F9: variants seen among roughly 807,000 people sequenced by gnomAD.
The protein encoded by F9 is coagulation factor IX, also known as Christmas factor.
Under a neutral mutation model 34.1 loss-of-function variants are expected in F9, and 2 were observed. That is an observed-to-expected ratio of 0.06 (90% CI 0.02 to 0.18). The LOEUF (loss-of-function observed/expected upper bound fraction) is 0.18, where lower values mean the gene tolerates loss of function less well. F9 is among the 10% of genes least tolerant of loss of function. The pLI, the probability that F9 is intolerant of heterozygous loss-of-function variation, is 1.00. For missense variants in F9, 216 were observed against 345.1 expected (o/e 0.63, Z 2.96); for synonymous variants, 137 against 118.8 (o/e 1.15, Z -1.00).
chrX:139,561,301 T>C (rs947985362), intron 7 of F9, among the ~76,000 whole-genome samples: 2 of 112,135 alleles, frequency 1.8e-5, no homozygotes, highest in Non-Finnish European at 3.8e-5. Context: ...AATGAAAGGC[T>C]TATAACAGCA....
At chrX:139,558,356 GA>G (rs1211960437) in intron 6 of F9, among the ~76,000 whole-genome samples, 1 of 113,472 alleles carries the variant, frequency 8.8e-6, no homozygotes, top group Non-Finnish European at 1.9e-5. Context: ...AGTGACAAGG[GA>G]AGATTGACAC....
At chrX:139,539,574 G>A (rs1033452077) in intron 3 of F9, among the ~76,000 whole-genome samples, 7 of 112,467 alleles carry the variant, frequency 6.2e-5, no homozygotes, top group Non-Finnish European at 1.3e-4. Flanking sequence ...TCATTTTAAC[G>A]ACATGTCTCA....
At chrX:139,553,841 A>T (rs1927906215) in intron 6 of F9, among the ~76,000 whole-genome samples, 1 of 92,545 alleles carries the variant, frequency 1.1e-5, no homozygotes, top group Non-Finnish European at 2.1e-5. Flanking sequence ...AAAGTCCAAG[A>T]TTAAAAAAAA....
In F9 at chrX:139,563,193, C is replaced by A. The variant is rs907681842; in HGVS notation, c.*1122C>A. On this transcript the variant is annotated 3_prime_UTR_variant, in exon 8 of 8. Transcript: ENST00000218099. ...GTGTGTCTTCAGCAGTGTTCAGAGC[C>A]AAGCAAGAAGTTGAAGTTGCCTAGA... 5 of 110,301 alleles carry A rather than the reference C, an allele frequency of 4.5e-5. No homozygotes were observed. Among genetic ancestry groups the A allele is most frequent in the Admixed American group, 9.7e-5 (1 of 10,281 alleles). The allele number at this position is 110,301 out of a possible 1,213,427, so 9.1% of individuals were successfully genotyped here.
intron 5 of F9, 89 bp from the exon 6 acceptor site, chrX:139,550,973 A>G (rs1927827632): frequency 1.3e-6 from 1 of 789,973 alleles, no homozygotes; most frequent in African/African-American, 2.0e-5. Flanking sequence ...AGAAGTGACA[A>G]GGATGGGCCT....
chrX:139,539,524 T>A (rs3134807), intron 3 of F9, among the ~76,000 whole-genome samples: 9,528 of 112,243 alleles, frequency 0.085, 1,009 homozygotes, highest in African/African-American at 0.29. Flanking sequence ...ACACACAGCC[T>A]AGAAACCAAA....
chrX:139,558,491 T>C (rs1467275727), intron 6 of F9, among the ~76,000 whole-genome samples: 1 of 113,440 alleles, frequency 8.8e-6, no homozygotes, highest in African/African-American at 3.2e-5. Flanking sequence ...CCCCAGCAAA[T>C]ATCCCCATGC....
intron 3 of F9, among the ~76,000 whole-genome samples, chrX:139,538,139 A>C (rs2148356744): frequency 9.0e-6 from 1 of 111,622 alleles, no homozygotes; most frequent in East Asian, 2.8e-4. Context: ...TCTTACTCAT[A>C]CTATTTATCA....
At chrX:139,548,054 T>A (rs1316893223) in intron 4 of F9, among the ~76,000 whole-genome samples, 1 of 112,288 alleles carries the variant, frequency 8.9e-6, no homozygotes, top group Admixed American at 9.4e-5. Context: ...TTTGAATATA[T>A]GTTATACATT....
intron 6 of F9, among the ~76,000 whole-genome samples, chrX:139,554,118 G>C (rs898020674): frequency 1.8e-5 from 2 of 110,655 alleles, no homozygotes; most frequent in Non-Finnish European, 3.8e-5. Context: ...ATGAGATGGT[G>C]GTTGTGGTTG....
At position 139,562,140 on chromosome X, in the gene F9, C is replaced by A; in HGVS notation, c.*69C>A. On this transcript the variant is annotated 3_prime_UTR_variant, in exon 8 of 8. Transcript: ENST00000218099. ...AACAGGGCCTCTCACTAACTAATCA[C>A]TTTCCCATCTTTTGTTAGATTTGAA... The A allele has an allele frequency of 1.1e-6, 1 of 921,299 alleles. No individual in the cohort carries two copies. The highest frequency in any genetic ancestry group is 1.9e-5 in the African/African-American group (1 of 52,033). 75.9% of individuals were successfully genotyped at this position (921,299 alleles called of 1,213,427 possible).
At chrX:139,551,286 T>G in intron 6 of F9, 22 bp downstream of exon 6, 2 of 1,175,909 alleles carry the variant, frequency 1.7e-6, no homozygotes, top group Non-Finnish European at 2.3e-6. Context: ...TGATGGTGTG[T>G]CAAAACTGGA....
intron 4 of F9, among the ~76,000 whole-genome samples, chrX:139,542,168 C>T (rs1016397189): frequency 7.1e-5 from 8 of 111,903 alleles, no homozygotes; most frequent in African/African-American, 9.7e-5. Flanking sequence ...CAGCTACACT[C>T]GTCCTATTGA....
rs762082146 is a variant in F9 at position 139,530,824 on chromosome X, A to G, written c.60A>G (p.Leu20=). 2.5e-5 allele frequency: 30 copies of G among 1,207,862 alleles called. No individual in the cohort carries two copies. Among genetic ancestry groups the G allele is most frequent in the Non-Finnish European group, 2.2e-6 (2 of 892,877 alleles). Residue 20 remains leucine (L), a synonymous_variant, in exon 1 of 8, where the codon TTA becomes TTG. Transcript: ENST00000218099. Reference sequence around the variant, plus strand: ...CAGGCCTCATCACCATCTGCCTTTTAGGATATCTACTCAGTGCTGAATGTA... The same window carrying G: ...CAGGCCTCATCACCATCTGCCTTTTGGGATATCTACTCAGTGCTGAATGTA... The part of the protein sequence containing the change: ...ESPGLITICL[L]GYLLSAECTV...
rs1382002047 is a variant in F9, at chrX:139,546,315, C to T, written c.392-2048C>T. 2.7e-5 allele frequency among the ~76,000 whole-genome samples: 3 copies of T among 111,575 alleles called. No homozygotes were observed. The East Asian group carries it at 8.4e-4, about 31-fold the overall frequency. On this transcript the variant is annotated intron_variant, in intron 4 of 7. Transcript: ENST00000218099. Reference sequence around the variant, plus strand: ...ATATATGAACCACATTTTCTTTATCCGGTCTGTCATTGATGGGCATTTAGG... The same window carrying T: ...ATATATGAACCACATTTTCTTTATCTGGTCTGTCATTGATGGGCATTTAGG...
At chrX:139,534,571 C>T (rs1927412923) in intron 1 of F9, among the ~76,000 whole-genome samples, 1 of 112,361 alleles carries the variant, frequency 8.9e-6, no homozygotes. Flanking sequence ...TTTTATCTTT[C>T]ATTATTCCCT....
intron 6 of F9, among the ~76,000 whole-genome samples, chrX:139,558,565 C>A (rs769529388): frequency 8.9e-6 from 1 of 112,990 alleles, no homozygotes; most frequent in South Asian, 3.6e-4. Flanking sequence ...GCAAAAGAGA[C>A]TACAGAGGAA....
Position 139,562,624 on chromosome X carries a change from CA to C in F9, c.*556del, listed in dbSNP as rs1221325106. ...TTTACCTTTTCCAAATCCCAATCCC[CA>C]AATCAGTTTTTCTCTTTCTTACTCC... is the stretch of plus-strand genomic sequence containing the variant. On this transcript the variant is annotated 3_prime_UTR_variant, in exon 8 of 8. Coordinates refer to ENST00000218099, the MANE Select transcript of F9 (RefSeq NM_000133.4). 8.9e-6 allele frequency: 1 copy of C among 112,426 alleles called. No homozygotes were observed. The highest frequency in any genetic ancestry group is 1.8e-5 in the Non-Finnish European group (1 of 54,291). The allele number at this position is 112,426 out of a possible 1,213,427, so 9.3% of individuals were successfully genotyped here.
intron 6 of F9, among the ~76,000 whole-genome samples, chrX:139,555,582 G>A (rs928340717): frequency 1.8e-5 from 2 of 112,705 alleles, no homozygotes; most frequent in African/African-American, 6.4e-5. Flanking sequence ...GGACAGGAAC[G>A]GCGTGAGGCC....
Sources: allele counts gnomAD v4.1 joint callset (sites outside exome capture counted in the v4.1 genomes callset), GRCh38; gene constraint gnomAD v4.1.1; transcripts MANE v1.5; gene names NCBI Gene and HGNC (gene_info 2026-07-23, HGNC 2026-07-21).